The following HSD17B2 variants were observed in gnomAD, a reference collection of about 807,000 sequenced individuals.
HSD17B2 encodes the protein hydroxysteroid 17-beta dehydrogenase 2.
HSD17B2 carries 32 observed loss-of-function variants against 26.9 expected under a neutral mutation model. That is an observed-to-expected ratio of 1.19 (90% confidence interval 0.90 to 1.60). The LOEUF (loss-of-function observed/expected upper bound fraction) is 1.60. HSD17B2 is among the 40% of genes most tolerant of loss of function. HSD17B2 has a pLI of 0.00. For synonymous variants in HSD17B2, 246 were observed against 186.7 expected, an observed-to-expected ratio of 1.32 and a Z score of -2.59; for missense variants, 613 against 468.6, an observed-to-expected ratio of 1.31 and a Z score of -2.85.
intron 1 of HSD17B2, among the ~76,000 whole-genome samples, chr16:82,045,932 A>T (rs1436745040): frequency 6.6e-6 from 1 of 152,200 alleles, no homozygotes; most frequent in Admixed American, 6.5e-5. Context: ...CTTCTGTTAC[A>T]GAGAGTCTTT....
At chr16:82,090,787 T>A in intron 3 of HSD17B2, 115 bp from the exon 4 acceptor site, 1 of 1,021,266 alleles carries the variant, frequency 9.8e-7, no homozygotes, top group Non-Finnish European at 1.4e-6. Context: ...CCTGCCTTTG[T>A]CTGCCCAAGT....
intron 3 of HSD17B2, among the ~76,000 whole-genome samples, chr16:82,086,218 A>G (rs1904523106): frequency 1.3e-5 from 2 of 152,336 alleles, no homozygotes; most frequent in East Asian, 3.9e-4. Flanking sequence ...CCAAAGGTAG[A>G]AACAACTTAA....
intron 1 of HSD17B2, among the ~76,000 whole-genome samples, chr16:82,041,665 G>T (rs574658583): frequency 6.6e-6 from 1 of 152,198 alleles, no homozygotes; most frequent in African/African-American, 2.4e-5. Context: ...TCATGGCCTC[G>T]TTAGCCTTGC....
intron 3 of HSD17B2, among the ~76,000 whole-genome samples, chr16:82,078,198 A>G (rs1239865717): frequency 1.3e-5 from 2 of 152,228 alleles, no homozygotes; most frequent in African/African-American, 2.4e-5. Flanking sequence ...AAATCAAATA[A>G]TCTCATTTAA....
At position 82,077,772 on chromosome 16, in the gene HSD17B2, A is replaced by G. The variant is rs576044654; in HGVS notation, c.664+6645A>G. 1.2e-4 allele frequency among the ~76,000 whole-genome samples: 19 copies of G among 152,004 alleles called. No individual in the cohort carries two copies. The South Asian group carries it at 3.5e-3, about 28-fold the overall frequency. On this transcript the variant is annotated intron_variant, in intron 3 of 4. Transcript: ENST00000199936. Reference sequence around the variant, plus strand: ...GAAGAAAGAAAGAAAAGAAAGAAAGAAAGGAAGGAAGGAAGAAAGGAAGAA... The same window carrying G: ...GAAGAAAGAAAGAAAAGAAAGAAAGGAAGGAAGGAAGGAAGAAAGGAAGAA...
At chr16:82,071,871 A>T (rs763113847) in intron 3 of HSD17B2, 1 of 152,910 alleles carries the variant, frequency 6.5e-6, no homozygotes, top group Non-Finnish European at 1.5e-5. Flanking sequence ...AGCCAAAGGG[A>T]TGGGCTCTGG....
chr16:82,048,230 G>T (rs1159523441), intron 1 of HSD17B2, among the ~76,000 whole-genome samples: 1 of 152,182 alleles, frequency 6.6e-6, no homozygotes, highest in Non-Finnish European at 1.5e-5. Context: ...GGGCGGTGGG[G>T]TCCACTCATA....
chr16:82,060,958 T>TA (rs938127930), intron 1 of HSD17B2, among the ~76,000 whole-genome samples: 3 of 152,064 alleles, frequency 2.0e-5, no homozygotes, highest in South Asian at 4.2e-4. Flanking sequence ...GTCGGTTTTT[T>TA]AAAAAAAGTT....
intron 3 of HSD17B2, among the ~76,000 whole-genome samples, chr16:82,076,662 C>T (rs1293594404): frequency 1.3e-5 from 2 of 152,182 alleles, no homozygotes; most frequent in African/African-American, 4.8e-5. Context: ...GCAGTCTCCA[C>T]CTCCTGGATT....
At chr16:82,038,407 T>C (rs113522204) in intron 1 of HSD17B2, among the ~76,000 whole-genome samples, 2,449 of 152,264 alleles carry the variant, frequency 0.016, 57 homozygotes, top group African/African-American at 0.055. Context: ...TGGAGTGCAG[T>C]GGCATGATCT....
chr16:82,068,274 T>C lies in HSD17B2; in HGVS notation c.370T>C (p.Leu124=). Residue 124 remains leucine, a synonymous_variant, in exon 2 of 5, where the codon TTG becomes CTG. Transcript: ENST00000199936. ...TGAAAATGGCCCAGGAGCTGAGGAA[T>C]TGCGAAGAACCTGCTCTCCGCGCCT... ...LNENGPGAEE[L]RRTCSPRLSV... is the part of the protein sequence containing the mutation. The C allele has an allele frequency of 1.2e-6, 2 of 1,613,768 alleles. No individual in the cohort carries two copies. The highest frequency in any genetic ancestry group is 1.7e-6 in the Non-Finnish European group (2 of 1,179,968).
intron 1 of HSD17B2, among the ~76,000 whole-genome samples, chr16:82,055,223 T>C (rs1185059099): frequency 6.6e-6 from 1 of 152,240 alleles, no homozygotes; most frequent in East Asian, 1.9e-4. Flanking sequence ...GCCTCTCTGC[T>C]GTTTGACTGA....
intron 1 of HSD17B2, among the ~76,000 whole-genome samples, chr16:82,064,522 C>T (rs1354159916): frequency 6.6e-6 from 1 of 152,098 alleles, no homozygotes; most frequent in Non-Finnish European, 1.5e-5. Context: ...GGGTACACAC[C>T]TAGGAGCAGA....
intron 1 of HSD17B2, among the ~76,000 whole-genome samples, chr16:82,063,879 A>C (rs1914510246): frequency 6.6e-6 from 1 of 152,192 alleles, no homozygotes; most frequent in Non-Finnish European, 1.5e-5. Context: ...CCGACTGACC[A>C]GTGGAAACAG....
intron 1 of HSD17B2, among the ~76,000 whole-genome samples, chr16:82,040,902 G>A (rs1434951895): frequency 1.3e-5 from 2 of 152,356 alleles, no homozygotes; most frequent in East Asian, 3.9e-4. Context: ...GAGCAACAAA[G>A]TGATGGTGGA....
At chr16:82,037,577 T>C (rs376297400) in intron 1 of HSD17B2, among the ~76,000 whole-genome samples, 60 of 152,304 alleles carry the variant, frequency 3.9e-4, no homozygotes, top group African/African-American at 1.2e-3. Flanking sequence ...TTTGAAGACA[T>C]AATCTGAAAT....
chr16:82,055,112 A>G lies in HSD17B2; in HGVS notation c.266-13058A>G, dbSNP rs187497415. Among the ~76,000 whole-genome samples the G allele has an allele frequency of 2.0e-3, 309 of 152,358 alleles. 2 individuals are homozygous for G. The highest frequency in any genetic ancestry group is 7.2e-3 in the African/African-American group (301 of 41,590). The stretch of plus-strand genomic sequence containing the variant: ...ATTGTCAAATGTTCCCTGGGGGGGA[A>G]CTGAAAATCACTGACTTAAAGGCCA... On this transcript the variant is annotated intron_variant, in intron 1 of 4. Transcript: ENST00000199936.
rs778494951 is a variant in HSD17B2, at chr16:82,098,217, C to G, written c.945C>G (p.Ser315Arg). 6 of 1,614,070 alleles carry G rather than the reference C, an allele frequency of 3.7e-6. No homozygotes were observed. The East Asian group carries it at 1.3e-4, about 36-fold the overall frequency. The change falls in exon 5 of 5, where the codon AGC becomes AGG. Residue 315 changes from serine (S) to arginine (R), a missense_variant. Ser to Arg is a moderately radical substitution (Grantham distance 110). Coordinates refer to ENST00000199936, the MANE Select transcript of HSD17B2 (RefSeq NM_002153.3). ...NFLLLINSLA[S>R]KDFSPVLRDI... ...TCCTATTGATCAACTCGTTAGCCAG[C>G]AAGGACTTCTCTCCGGTGCTGCGGG... is the stretch of plus-strand genomic sequence containing the variant.
Position 82,097,990 on chromosome 16 carries a change from C to T in HSD17B2, c.803-85C>T, listed in dbSNP as rs544318410. 111 of 1,326,574 alleles carry T rather than the reference C, an allele frequency of 8.4e-5. 1 individual carries two copies. In the African/African-American group the frequency reaches 1.6e-3, roughly 19 times the overall value. The allele number at this position is 1,326,574 out of a possible 1,614,324, so 82.2% of individuals were successfully genotyped here. A position where few individuals can be genotyped will look rare whatever the true frequency, so the allele number is the denominator to read the frequency against. Reference sequence around the variant, plus strand: ...TAAATAAACGTCATTTGCAAAGGGCCATCCTTCCCAACAGAGACAAGCGCC... The same window carrying T: ...TAAATAAACGTCATTTGCAAAGGGCTATCCTTCCCAACAGAGACAAGCGCC... On this transcript the variant is annotated intron_variant, in intron 4 of 4. Coordinates refer to ENST00000199936, the MANE Select transcript of HSD17B2 (RefSeq NM_002153.3).
Sources: gnomAD v4.1 joint callset for allele counts (sites outside exome capture counted in the v4.1 genomes callset) on GRCh38, gnomAD v4.1.1 for gene constraint, MANE v1.5 for transcripts, NCBI Gene and HGNC (gene_info 2026-07-23, HGNC 2026-07-21) for gene names.